GRK1: variants seen among roughly 807,000 people sequenced by gnomAD.
GRK1 encodes the protein G protein-coupled receptor kinase 1.
A neutral mutation model predicts 41.7 loss-of-function variants in GRK1; 28 were observed. The ratio of observed to expected loss-of-function variants is 0.67; its 90% confidence interval spans 0.50 to 0.92. GRK1 has a LOEUF of 0.92. Ranked by LOEUF, GRK1 falls within the 40% of genes least tolerant of loss-of-function variation. The probability of loss-of-function intolerance (pLI) is 0.00; values close to 1 mark genes in which losing one functional copy is unlikely to be tolerated. For synonymous variants in GRK1, 327 were observed against 286.7 expected (o/e 1.14, Z -1.42); for missense variants, 703 against 671.2 (o/e 1.05, Z -0.52).
intron 4 of GRK1, among the ~76,000 whole-genome samples, chr13:113,724,475 T>G (rs772038798): frequency 6.6e-6 from 1 of 152,122 alleles, no homozygotes; most frequent in African/African-American, 2.4e-5. Context: ...CATGCTGGTG[T>G]TTAGGCACTG....
chr13:113,667,184 G>A (rs1459983173), upstream of GRK1: 1 of 571,576 alleles, frequency 1.7e-6, no homozygotes, highest in Non-Finnish European at 3.1e-6. The surrounding 1 kb of genome is among the most constrained non-coding windows in gnomAD (Gnocchi z 7.5). Flanking sequence ...ATTTAGCCTG[G>A]TGCTGTGTCA....
chr13:113,669,941 C>T, intron 2 of GRK1, 127 bp downstream of exon 2: 1 of 1,103,050 alleles, frequency 9.1e-7, no homozygotes, highest in Non-Finnish European at 1.3e-6. Flanking sequence ...GGAAGCCTTG[C>T]ACCCATCACA....
the GRK1 span, chr13:113,653,515 C>G: frequency 7.6e-7 from 1 of 1,313,242 alleles, no homozygotes; most frequent in African/African-American, 1.5e-5. Context: ...GCTGAGGATA[C>G]GCCAGAGGCG....
chr13:113,731,201 A>G lies in GRK1; in HGVS notation c.1070-18A>G. 3.3e-6 allele frequency: 5 copies of G among 1,536,478 alleles called. No individual in the cohort carries two copies. The highest frequency in any genetic ancestry group is 1.2e-5 in the South Asian group (1 of 84,036). On this transcript the variant is annotated intron_variant, in intron 4 of 6. Transcript: ENST00000335678. The surrounding 1 kb of genome is among the most constrained non-coding windows in gnomAD (Gnocchi z 5.6). Reference sequence around the variant, plus strand: ...TGGAGGTGACCACCTCTGAACCCGCAATGTCCCTTGCTGGCAGGTTTCATG... The same window carrying G: ...TGGAGGTGACCACCTCTGAACCCGCGATGTCCCTTGCTGGCAGGTTTCATG...
chr13:113,651,740 A>T, the GRK1 span: 1 of 1,613,216 alleles, frequency 6.2e-7, no homozygotes, highest in South Asian at 1.1e-5. Flanking sequence ...AGAAGGGAAA[A>T]GCTTGAGCGT....
intron 6 of GRK1, 79 bp downstream of exon 6, chr13:113,733,164 G>A: frequency 1.4e-6 from 2 of 1,408,924 alleles, no homozygotes; most frequent in Non-Finnish European, 1.9e-6. Context: ...GGTCCAGCCT[G>A]TGAGAGTCGG....
rs145195020 is a variant in GRK1 at position 113,731,247 on chromosome 13, C to T, written c.1098C>T (p.Gly366=). Residue 366 remains glycine (G), a synonymous_variant, in exon 5 of 7, where the codon GGC becomes GGT. Coordinates refer to ENST00000335678, the MANE Select transcript of GRK1 (RefSeq NM_002929.3). The surrounding 1 kb of genome is among the most constrained non-coding windows in gnomAD (Gnocchi z 5.6). ...PGFMAPELLQ[G]EEYDFSVDYF... is the part of the protein sequence containing the mutation. ...TCATGGCCCCCGAGCTCCTGCAGGGCGAGGAGTACGACTTCTCCGTGGACT... is the reference window on the plus strand; with the variant it reads ...TCATGGCCCCCGAGCTCCTGCAGGGTGAGGAGTACGACTTCTCCGTGGACT... 41 of 1,536,940 alleles carry T rather than the reference C, an allele frequency of 2.7e-5. No homozygotes were observed. Among genetic ancestry groups the T allele is most frequent in the South Asian group, 2.1e-4 (18 of 84,058 alleles).
intron 6 of GRK1, among the ~76,000 whole-genome samples, chr13:113,733,937 C>CGTGTGTGCGTGTGTGTGCATACGT (rs1307886367): frequency 3.1e-5 from 3 of 95,786 alleles, no homozygotes; most frequent in Admixed American, 1.1e-4. Context: ...TGTGTGCATA[C>CGTGTGTGCGTGTGTGTGCATACGT]GTGTGTGCGT....
chr13:113,654,736 C>A, the GRK1 span: 2 of 1,522,162 alleles, frequency 1.3e-6, no homozygotes, highest in Non-Finnish European at 8.8e-7. Context: ...GGGCACGGGT[C>A]CCCCGGGCGT....
chr13:113,733,546 TGC>T (rs1389290888), intron 6 of GRK1, among the ~76,000 whole-genome samples: 1 of 150,588 alleles, frequency 6.6e-6, no homozygotes, highest in Non-Finnish European at 1.5e-5. Context: ...TGCATGCGTG[TGC>T]GCGCACGTGT....
At chr13:113,667,176 T>A (rs1474676443), upstream of GRK1, 1 of 546,298 alleles carries the variant, frequency 1.8e-6, no homozygotes, top group African/African-American at 1.9e-5. This position sits in a 1 kb window ranked among gnomAD's most constrained non-coding sequence, Gnocchi z 7.5. Context: ...CGGCTGGGAT[T>A]TAGCCTGGTG....
At chr13:113,651,891 C>G in the GRK1 span, among the ~76,000 whole-genome samples, 1 of 152,200 alleles carries the variant, frequency 6.6e-6, no homozygotes, top group Admixed American at 6.5e-5. Context: ...TGGAGGAATC[C>G]CCATAGGTGT....
chr13:113,652,911 C>T, the GRK1 span: 4 of 1,614,240 alleles, frequency 2.5e-6, no homozygotes, highest in Non-Finnish European at 3.4e-6. Context: ...TTTCCTTCTT[C>T]AAAGCCGAAG....
the GRK1 span, among the ~76,000 whole-genome samples, chr13:113,653,885 C>T: frequency 3.3e-5 from 5 of 152,340 alleles, no homozygotes; most frequent in East Asian, 3.9e-4. Context: ...AACGCAGAGC[C>T]GTCGACTTTC....
At position 113,667,815 on chromosome 13, in the gene GRK1, C is replaced by G. The variant is rs370485078; in HGVS notation, c.429C>G (p.Asp143Glu). Residue 143 changes from aspartate (D) to glutamate (E), a missense_variant, in exon 1 of 7, where the codon GAC becomes GAG. Coordinates refer to ENST00000335678, the MANE Select transcript of GRK1 (RefSeq NM_002929.3). This position sits in a 1 kb window ranked among gnomAD's most constrained non-coding sequence, Gnocchi z 7.5. ...AGGAGGGGCCTGTGGAGATCCAGGA[C>G]GGGCTCTTCCAGCCCCTGCTGCAGG... Reference protein sequence around the residue: ...KFKEGPVEIQDGLFQPLLQAT... With the variant: ...KFKEGPVEIQEGLFQPLLQAT... 6.2e-7 allele frequency: 1 copy of G among 1,600,522 alleles called. No homozygotes were observed. Among genetic ancestry groups the G allele is most frequent in the Non-Finnish European group, 8.5e-7 (1 of 1,171,770 alleles).
the GRK1 span, among the ~76,000 whole-genome samples, chr13:113,652,263 C>T: frequency 6.6e-6 from 1 of 152,254 alleles, no homozygotes; most frequent in African/African-American, 2.4e-5. Flanking sequence ...ACAGCCCCTC[C>T]ATGCCGGCAG....
intron 6 of GRK1, among the ~76,000 whole-genome samples, chr13:113,733,878 C>CGTGT (rs1566700183): frequency 3.8e-5 from 3 of 78,132 alleles, no homozygotes; most frequent in South Asian, 4.0e-4. Context: ...TGCGTGTGTG[C>CGTGT]ATACGTGTGT....
the GRK1 span, among the ~76,000 whole-genome samples, chr13:113,659,362 T>C: frequency 7.2e-5 from 11 of 152,182 alleles, no homozygotes; most frequent in African/African-American, 2.4e-4. Flanking sequence ...GCCCTGTGTG[T>C]CCAGAATTAC....
the GRK1 span, among the ~76,000 whole-genome samples, chr13:113,656,047 G>A: frequency 7.9e-5 from 12 of 152,358 alleles, no homozygotes; most frequent in East Asian, 1.9e-4. Context: ...CCCGCCGGGC[G>A]TCCCTGGTGA....
Sources: gnomAD v4.1 joint callset for allele counts (sites outside exome capture counted in the v4.1 genomes callset) on GRCh38, gnomAD v4.1.1 for gene constraint, Gnocchi (gnomAD v3.1) non-coding constraint, MANE v1.5 for transcripts, NCBI Gene and HGNC (gene_info 2026-07-23, HGNC 2026-07-21) for gene names.